Variants in XIRP2 observed in about 807,000 individuals in gnomAD.
XIRP2 encodes xin actin-binding repeat-containing protein 2.
Under a neutral mutation model 277.0 loss-of-function variants are expected in XIRP2, and 236 were observed. That is an observed-to-expected ratio of 0.85 (90% confidence interval 0.77 to 0.95). The LOEUF is 0.95. XIRP2 is among the 40% of genes least tolerant of loss of function. The probability of loss-of-function intolerance (pLI) is 0.00; values close to 1 mark genes in which losing one functional copy is unlikely to be tolerated. For missense variants in XIRP2, 4,640 were observed against 4,157.5 expected (o/e 1.12, Z -3.19); for synonymous variants, 1,490 against 1,416.5 (o/e 1.05, Z -1.17).
chr2:167,054,781 A>G (rs1689001149), intron 2 of XIRP2, among the ~76,000 whole-genome samples: 1 of 152,104 alleles, frequency 6.6e-6, no homozygotes. Flanking sequence ...GAAGACAGGC[A>G]CACAGTATCC....
chr2:167,036,691 A>G (rs1379719926), intron 2 of XIRP2, among the ~76,000 whole-genome samples: 1 of 151,994 alleles, frequency 6.6e-6, no homozygotes, highest in East Asian at 1.9e-4. Flanking sequence ...TTGGTTTTGA[A>G]ATGTGAGGAC....
In XIRP2 at chr2:167,027,965, G is replaced by A. The variant is rs78574832; in HGVS notation, c.409-107944G>A. Among the ~76,000 whole-genome samples, 959 of 152,004 alleles carry A rather than the reference G, an allele frequency of 6.3e-3. 81 individuals are homozygous for A. The East Asian group carries it at 0.16, about 26-fold the overall frequency. ...TGTCAATAAATGTACAGTGAGAAGAGGCATCACACACTGCAGGAGGAAAAC... is the reference window on the plus strand; with the variant it reads ...TGTCAATAAATGTACAGTGAGAAGAAGCATCACACACTGCAGGAGGAAAAC... On this transcript the variant is annotated intron_variant, in intron 2 of 10. Transcript: ENST00000409195.
At chr2:167,119,821 C>T (rs78847782) in intron 2 of XIRP2, among the ~76,000 whole-genome samples, 6,149 of 152,192 alleles carry the variant, frequency 0.04, 174 homozygotes, top group South Asian at 0.083. Flanking sequence ...TTCTGCTTTT[C>T]TCCCTCATTG....
In XIRP2 at chr2:167,176,349, C is replaced by A. The variant is rs556149841; in HGVS notation, c.563-34386C>A. 2.6e-5 allele frequency among the ~76,000 whole-genome samples: 4 copies of A among 152,232 alleles called. No individual in the cohort carries two copies. In the South Asian group the frequency reaches 6.2e-4, roughly 24 times the overall value. ...GGCTGCACCCACTGTCTTACCAGTCCCAATGAGATGAGATGAGTAACCCAG... is the reference window on the plus strand; with the variant it reads ...GGCTGCACCCACTGTCTTACCAGTCACAATGAGATGAGATGAGTAACCCAG... On this transcript the variant is annotated intron_variant, in intron 3 of 10. Transcript: ENST00000409195.
intron 2 of XIRP2, among the ~76,000 whole-genome samples, chr2:167,088,013 A>C (rs1690016514): frequency 1.3e-5 from 2 of 152,176 alleles, no homozygotes; most frequent in Non-Finnish European, 2.9e-5. Context: ...AAAGATGATA[A>C]GTTTGTAAGC....
At chr2:167,084,163 T>A (rs1471247369) in intron 2 of XIRP2, among the ~76,000 whole-genome samples, 2 of 152,232 alleles carry the variant, frequency 1.3e-5, no homozygotes, top group Admixed American at 1.3e-4. Context: ...GTTGTTGAAT[T>A]TTGTCAAAGG....
At chr2:166,930,940 G>A (rs574332579) in intron 2 of XIRP2, among the ~76,000 whole-genome samples, 48 of 152,246 alleles carry the variant, frequency 3.2e-4, no homozygotes, top group Middle Eastern at 6.8e-3. Context: ...TAGTTTTTAT[G>A]TACAAATATG....
At chr2:167,143,217 G>T (rs186338142) in intron 3 of XIRP2, among the ~76,000 whole-genome samples, 105 of 152,206 alleles carry the variant, frequency 6.9e-4, no homozygotes, top group African/African-American at 2.3e-3. Context: ...CACAGCCCCT[G>T]CCCCTGAGTA....
At chr2:167,148,432 A>AG (rs1330730371) in intron 3 of XIRP2, among the ~76,000 whole-genome samples, 8 of 148,768 alleles carry the variant, frequency 5.4e-5, no homozygotes, top group East Asian at 4.0e-4. Flanking sequence ...AGAAAGAAAG[A>AG]AAAAGAAAAA....
At chr2:166,962,063 G>A (rs1369400372) in intron 2 of XIRP2, among the ~76,000 whole-genome samples, 1 of 151,668 alleles carries the variant, frequency 6.6e-6, no homozygotes, top group Non-Finnish European at 1.5e-5. Flanking sequence ...GAGATATTTT[G>A]TTGGTCCATT....
chr2:167,000,479 C>G (rs552946399), intron 2 of XIRP2, among the ~76,000 whole-genome samples: 15 of 149,772 alleles, frequency 1.0e-4, no homozygotes, highest in Non-Finnish European at 1.6e-4. Flanking sequence ...TTAATTTGGT[C>G]AAGTTTGATT....
chr2:167,247,894 G>T lies in XIRP2; in HGVS notation c.6502G>T (p.Val2168Phe). 6.2e-7 allele frequency: 1 copy of T among 1,613,442 alleles called. No individual in the cohort carries two copies. The highest frequency in any genetic ancestry group is 8.5e-7 in the Non-Finnish European group (1 of 1,179,738). Residue 2168 changes from valine to phenylalanine, a missense_variant, in exon 9 of 11, where the codon GTC becomes TTC. By Grantham distance (50) the Val-to-Phe change is conservative. Coordinates refer to ENST00000409195, the MANE Select transcript of XIRP2 (RefSeq NM_152381.6). ...SSKPSPTQHP[V>F]SMPVGGTYDL... ...CAAGCCCAGTCCCACCCAGCATCCA[G>T]TCAGCATGCCAGTTGGAGGAACTTA... is the stretch of plus-strand genomic sequence containing the variant.
At chr2:166,999,325 C>A (rs985917350) in intron 2 of XIRP2, among the ~76,000 whole-genome samples, 3 of 151,990 alleles carry the variant, frequency 2.0e-5, no homozygotes, top group Non-Finnish European at 2.9e-5. Flanking sequence ...TTATTTTATT[C>A]TGTTTATTTC....
Position 167,258,222 on chromosome 2 carries a change from G to T in XIRP2, c.*405G>T. 1 of 1,612,964 alleles carries T rather than the reference G, an allele frequency of 6.2e-7. No individual in the cohort carries two copies. Among genetic ancestry groups the T allele is most frequent in the Non-Finnish European group, 8.5e-7 (1 of 1,179,514 alleles). ...CCCTTTGAGGAAGAGCTCAAAATGA[G>T]TAAACCTAAGTGGCCACCTGAAATG... On this transcript the variant is annotated 3_prime_UTR_variant, in exon 11 of 11. Transcript: ENST00000409195.
chr2:167,250,317 A>G lies in XIRP2; in HGVS notation c.8925A>G (p.Thr2975=), dbSNP rs1574000232. The part of the protein sequence containing the change: ...EAEPNKSGLK[T]FQTLLNTIPG... Reference sequence around the variant, plus strand: ...AGCCAAATAAAAGTGGCCTTAAAACATTTCAGACACTATTAAATACTATCC... The same window carrying G: ...AGCCAAATAAAAGTGGCCTTAAAACGTTTCAGACACTATTAAATACTATCC... The change falls in exon 9 of 11, where the codon ACA becomes ACG. Residue 2975 remains threonine (T), a synonymous_variant. Transcript: ENST00000409195. 1 of 1,613,392 alleles carries G rather than the reference A, an allele frequency of 6.2e-7. No homozygotes were observed. The highest frequency in any genetic ancestry group is 2.2e-5 in the East Asian group (1 of 44,812).
intron 2 of XIRP2, among the ~76,000 whole-genome samples, chr2:167,129,008 C>A (rs2105311701): frequency 6.6e-6 from 1 of 152,146 alleles, no homozygotes; most frequent in South Asian, 2.1e-4. Context: ...TGAGTTAGGT[C>A]ATGAGGGAAG....
intron 2 of XIRP2, among the ~76,000 whole-genome samples, chr2:167,085,203 C>G (rs2105267282): frequency 6.6e-6 from 1 of 151,126 alleles, no homozygotes; most frequent in Admixed American, 6.6e-5. Context: ...GTTATGTACC[C>G]AGTAGTCATT....
At chr2:167,191,614 G>C (rs1693337749) in intron 3 of XIRP2, among the ~76,000 whole-genome samples, 1 of 152,142 alleles carries the variant, frequency 6.6e-6, no homozygotes, top group African/African-American at 2.4e-5. Flanking sequence ...GTTAAAACTT[G>C]AAAGATGATG....
chr2:166,933,565 G>T lies in XIRP2; in HGVS notation c.408+29675G>T, dbSNP rs141640937. Among the ~76,000 whole-genome samples, 34 of 151,740 alleles carry T rather than the reference G, an allele frequency of 2.2e-4. No homozygotes were observed. The East Asian group carries it at 6.6e-3, about 30-fold the overall frequency. ...ACTGCACTCCAGCCTGGGCGACAGA[G>T]TGAGACTCCTCTCAAAAAAAAAAAA... On this transcript the variant is annotated intron_variant, in intron 2 of 10. Coordinates refer to ENST00000409195, the MANE Select transcript of XIRP2 (RefSeq NM_152381.6).
Sources: gnomAD v4.1 joint callset for allele counts (sites outside exome capture counted in the v4.1 genomes callset) on GRCh38, gnomAD v4.1.1 for gene constraint, MANE v1.5 for transcripts, NCBI Gene and HGNC (gene_info 2026-07-23, HGNC 2026-07-21) for gene names.